TBC1D5: variants seen among roughly 807,000 people sequenced by gnomAD.
The protein encoded by TBC1D5 is TBC1 domain family, member 5.
TBC1D5 carries 75 observed loss-of-function variants against 100.3 expected under a neutral mutation model. The observed-to-expected ratio is 0.75, with a 90% CI of 0.62 to 0.91. The LOEUF is 0.91. TBC1D5 is among the 40% of genes least tolerant of loss of function. TBC1D5 has a pLI of 0.00. For missense variants in TBC1D5, 910 were observed against 942.4 expected, an observed-to-expected ratio of 0.97 and a Z score of 0.45; for synonymous variants, 323 against 325.6, an observed-to-expected ratio of 0.99 and a Z score of 0.09.
rs1000739900 is a variant in TBC1D5, at chr3:17,463,888, A to G, written c.98-35369T>C. Among the ~76,000 whole-genome samples the G allele has an allele frequency of 2.7e-5, 4 of 149,398 alleles. No homozygotes were observed. The South Asian group carries it at 8.4e-4, about 31-fold the overall frequency. ...CTCACAGCTGTTGATTTGAGTATTA[A>G]TTTTATTCACATAATATTTCTCACG... On this transcript the variant is annotated intron_variant, in intron 3 of 21. Coordinates refer to ENST00000253692, the Ensembl canonical transcript of TBC1D5.
At chr3:17,283,043 C>T (rs1331528150) in intron 15 of TBC1D5, among the ~76,000 whole-genome samples, 1 of 152,206 alleles carries the variant, frequency 6.6e-6, no homozygotes, top group Non-Finnish European at 1.5e-5. Flanking sequence ...TCTAGGAATT[C>T]TACTTCCTCT....
At chr3:17,225,439 CAAAAAA>C (rs35631452) in intron 17 of TBC1D5, among the ~76,000 whole-genome samples, 1 of 88,354 alleles carries the variant, frequency 1.1e-5, no homozygotes, top group Non-Finnish European at 2.2e-5. Context: ...GACTCGGTCT[CAAAAAA>C]AAAAAAAAAA....
chr3:17,624,159 T>C (rs931353696), intron 1 of TBC1D5, among the ~76,000 whole-genome samples: 3 of 152,186 alleles, frequency 2.0e-5, no homozygotes, highest in Non-Finnish European at 1.5e-5. Flanking sequence ...TTTAGCAAAG[T>C]ATTACAAAAT....
intron 1 of TBC1D5, among the ~76,000 whole-genome samples, chr3:17,684,051 T>G (rs1315994989): frequency 1.3e-5 from 2 of 152,084 alleles, no homozygotes; most frequent in African/African-American, 4.8e-5. Flanking sequence ...GCTGGGTAGA[T>G]TATTCAATAC....
At chr3:17,514,984 CTCT>C (rs2095964981) in intron 2 of TBC1D5, among the ~76,000 whole-genome samples, 1 of 151,104 alleles carries the variant, frequency 6.6e-6, no homozygotes, top group Non-Finnish European at 1.5e-5. Context: ...TAGATATTAC[CTCT>C]AGCCATTAAA....
chr3:17,606,858 C>T (rs2061363126), intron 2 of TBC1D5, among the ~76,000 whole-genome samples: 1 of 152,102 alleles, frequency 6.6e-6, no homozygotes, highest in African/African-American at 2.4e-5. Context: ...GATCCTGATG[C>T]ACACCAACAG....
chr3:17,364,475 A>G (rs1473430947), intron 13 of TBC1D5, among the ~76,000 whole-genome samples: 3 of 152,208 alleles, frequency 2.0e-5, no homozygotes, highest in African/African-American at 7.2e-5. Flanking sequence ...TGAAAAACTG[A>G]ATGTTTTATG....
chr3:17,351,764 T>C (rs1026538874), intron 13 of TBC1D5, among the ~76,000 whole-genome samples: 3 of 151,322 alleles, frequency 2.0e-5, no homozygotes, highest in Non-Finnish European at 4.4e-5. Context: ...TTTTATTACA[T>C]TACCTACTTC....
intron 1 of TBC1D5, among the ~76,000 whole-genome samples, chr3:17,709,986 G>GC (rs1277729305): frequency 6.6e-6 from 1 of 152,086 alleles, no homozygotes; most frequent in Non-Finnish European, 1.5e-5. Context: ...ATGAGCATGG[G>GC]CCCTTGATTA....
intron 2 of TBC1D5, among the ~76,000 whole-genome samples, chr3:17,580,643 TCTC>T (rs1308058316): frequency 2.0e-5 from 3 of 152,224 alleles, no homozygotes; most frequent in Admixed American, 6.5e-5. Flanking sequence ...ATGCTATTTC[TCTC>T]CTATTTAAAA....
intron 1 of TBC1D5, among the ~76,000 whole-genome samples, chr3:17,661,444 T>C (rs2066634361): frequency 6.6e-6 from 1 of 152,192 alleles, no homozygotes; most frequent in South Asian, 2.1e-4. Context: ...AATGCTGCTG[T>C]ATTTGTTCAC....
exon 2 of TBC1D5, chr3:17,623,880 C>A (rs2062863435): frequency 6.6e-6 from 1 of 151,910 alleles, no homozygotes; most frequent in East Asian, 1.9e-4. Flanking sequence ...GAATTTTTCT[C>A]CCATTCCAAA....
At chr3:17,160,276 CAA>C (rs1396008990) in exon 22 of TBC1D5, 1 of 152,004 alleles carries the variant, frequency 6.6e-6, no homozygotes, top group Admixed American at 6.6e-5. Flanking sequence ...TTTAATACAT[CAA>C]AAAAATCTAA....
At chr3:17,696,954 G>A (rs550420616) in intron 1 of TBC1D5, among the ~76,000 whole-genome samples, 8 of 152,122 alleles carry the variant, frequency 5.3e-5, no homozygotes, top group South Asian at 2.1e-4. Flanking sequence ...TTCAACATAC[G>A]CAAATCAATA....
chr3:17,298,797 T>A (rs1337275072), intron 14 of TBC1D5, among the ~76,000 whole-genome samples: 1 of 152,158 alleles, frequency 6.6e-6, no homozygotes, highest in Admixed American at 6.5e-5. Context: ...CAGACTTCAT[T>A]CATCTGACTA....
intron 3 of TBC1D5, among the ~76,000 whole-genome samples, chr3:17,495,171 C>T (rs201042720): frequency 6.6e-6 from 1 of 152,190 alleles, no homozygotes; most frequent in East Asian, 1.9e-4. Context: ...TTGTTTTCCT[C>T]CACAGGAGCC....
At chr3:17,544,629 C>T (rs1393749557) in intron 2 of TBC1D5, among the ~76,000 whole-genome samples, 1 of 137,926 alleles carries the variant, frequency 7.3e-6, no homozygotes, top group Non-Finnish European at 1.5e-5. Flanking sequence ...ACAACCTGGG[C>T]GACAAAGTGA....
intron 1 of TBC1D5, among the ~76,000 whole-genome samples, chr3:17,711,561 T>C (rs566983814): frequency 2.3e-4 from 35 of 152,314 alleles, no homozygotes; most frequent in Admixed American, 1.9e-3. Flanking sequence ...TTAAACAATA[T>C]ATTGCTTAGT....
At chr3:17,686,184 C>A (rs554742405) in intron 1 of TBC1D5, among the ~76,000 whole-genome samples, 7 of 152,076 alleles carry the variant, frequency 4.6e-5, no homozygotes, top group African/African-American at 1.7e-4. Flanking sequence ...TGAAAGAACA[C>A]GATGAGATCC....
Sources: allele counts gnomAD v4.1 joint callset (sites outside exome capture counted in the v4.1 genomes callset), GRCh38; gene constraint gnomAD v4.1.1; transcripts MANE v1.5; gene names NCBI Gene and HGNC (gene_info 2026-07-23, HGNC 2026-07-21).